CSF1R: variants seen among roughly 807,000 people sequenced by gnomAD.
CSF1R encodes colony stimulating factor 1 receptor.
A neutral mutation model predicts 110.0 loss-of-function variants in CSF1R; 40 were observed. The ratio of observed to expected loss-of-function variants is 0.36; its 90% confidence interval spans 0.28 to 0.47. CSF1R has a LOEUF of 0.47. Ranked by LOEUF, CSF1R falls within the 20% of genes least tolerant of loss-of-function variation. The probability of loss-of-function intolerance (pLI) is 0.99; values close to 1 mark genes in which losing one functional copy is unlikely to be tolerated. For synonymous variants in CSF1R, 523 were observed against 503.4 expected (o/e 1.04, Z -0.52); for missense variants, 1,052 against 1,253.0 (o/e 0.84, Z 2.42).
chr5:150,078,166 T>C lies in CSF1R; in HGVS notation c.675A>G (p.Ser225=). 1.9e-6 allele frequency: 3 copies of C among 1,614,108 alleles called. No individual in the cohort carries two copies. The highest frequency in any genetic ancestry group is 2.5e-6 in the Non-Finnish European group (3 of 1,180,012). The change falls in exon 4 of 21, where the codon TCA becomes TCG. Residue 225 remains serine (S), a synonymous_variant. Coordinates refer to ENST00000675795, the MANE Select transcript of CSF1R (RefSeq NM_001288705.3). ...CAAAGTTAACATCAACGCTGCTGGC[T>C]GAGCACACGATCTGGGCAGCCTCCC... ...IRGEAAQIVC[S]ASSVDVNFDV...
intron 1 of CSF1R, among the ~76,000 whole-genome samples, chr5:150,104,148 G>T (rs561521244): frequency 1.3e-5 from 2 of 152,304 alleles, no homozygotes; most frequent in African/African-American, 4.8e-5. Flanking sequence ...CCCCTAACAC[G>T]GATGCAAAGT....
Position 150,059,877 on chromosome 5 carries a change from G to C in CSF1R, c.1970-15C>G, listed in dbSNP as rs774384099. 2 of 1,597,924 alleles carry C rather than the reference G, an allele frequency of 1.3e-6. No homozygotes were observed. The highest frequency in any genetic ancestry group is 1.1e-5 in the South Asian group (1 of 90,646). ...CAGTACAGGGCCTAGAGCAGCCAAG[G>C]GTGTGGGGTGAGGGAGGTGCTGAGT... On this transcript the variant is annotated splice_polypyrimidine_tract_variant and intron_variant, in intron 13 of 20. Coordinates refer to ENST00000675795, the MANE Select transcript of CSF1R (RefSeq NM_001288705.3).
chr5:150,092,253 G>T (rs1216556419), intron 1 of CSF1R, among the ~76,000 whole-genome samples: 1 of 152,194 alleles, frequency 6.6e-6, no homozygotes, highest in Admixed American at 6.5e-5. Flanking sequence ...GCCAATCTCT[G>T]ATTTAAAGCA....
In CSF1R at chr5:150,101,522, A is replaced by C. The variant is rs1402312915; in HGVS notation, c.-181+11739T>G. Among the ~76,000 whole-genome samples the C allele has an allele frequency of 2.6e-5, 4 of 152,286 alleles. No homozygotes were observed. In the South Asian group the frequency reaches 8.3e-4, roughly 32 times the overall value. ...TTGCCAGGCAGAGGCAGGGAAGAGA[A>C]AGAAGGGCATCTGAAAAGAAATGAA... On this transcript the variant is annotated intron_variant, in intron 1 of 21. Transcript: ENST00000286301.
intron 14 of CSF1R, among the ~76,000 whole-genome samples, chr5:150,059,467 ACACTCCCAG>A (rs2113786735): frequency 6.6e-6 from 1 of 152,314 alleles, no homozygotes; most frequent in East Asian, 1.9e-4. Context: ...TTTGCCCTCC[ACACTCCCAG>A]AACACGGTAG....
At chr5:150,073,088 G>A (rs559375777) in intron 6 of CSF1R, among the ~76,000 whole-genome samples, 1 of 152,286 alleles carries the variant, frequency 6.6e-6, no homozygotes, top group African/African-American at 2.4e-5. Context: ...CAAGGATGTG[G>A]GATGGAGAGG....
Position 150,060,837 on chromosome 5 carries a change from G to A in CSF1R, c.1969+25C>T, listed in dbSNP as rs754642576. The stretch of plus-strand genomic sequence containing the variant: ...ATTCCCCAGAGGCCCCAAGACCTTG[G>A]CCCCAGGAACCCCAAGGCCCTTACC... On this transcript the variant is annotated intron_variant, in intron 13 of 20. Transcript: ENST00000675795. The A allele has an allele frequency of 1.4e-5, 21 of 1,532,290 alleles. 1 individual carries two copies. The South Asian group carries it at 1.4e-4, about 10-fold the overall frequency. 94.9% of individuals were successfully genotyped at this position (1,532,290 alleles called of 1,614,324 possible).
At chr5:150,102,939 T>C (rs1463257811) in intron 1 of CSF1R, among the ~76,000 whole-genome samples, 1 of 152,276 alleles carries the variant, frequency 6.6e-6, no homozygotes, top group Non-Finnish European at 1.5e-5. Flanking sequence ...TGTCTTTTCA[T>C]TTCTGACTTC....
chr5:150,108,488 C>T (rs1284324481), intron 1 of CSF1R, among the ~76,000 whole-genome samples: 7 of 152,028 alleles, frequency 4.6e-5, no homozygotes, highest in East Asian at 1.9e-4. Flanking sequence ...GAAGGAGTCT[C>T]GACTTTGCTG....
chr5:150,111,972 A>G (rs1322387116), intron 1 of CSF1R, among the ~76,000 whole-genome samples: 3 of 152,214 alleles, frequency 2.0e-5, no homozygotes, highest in Non-Finnish European at 2.9e-5. Flanking sequence ...GGACTAAATG[A>G]CACGCTGGTG....
At chr5:150,088,965 A>T (rs4289551), upstream of CSF1R, among the ~76,000 whole-genome samples, 30,585 of 152,240 alleles carry the variant, frequency 0.2, 3,614 homozygotes, top group Middle Eastern at 0.27. Context: ...GAATGAAAAA[A>T]ATCCTCATAT....
intron 1 of CSF1R, among the ~76,000 whole-genome samples, chr5:150,092,145 C>A (rs907955276): frequency 4.6e-5 from 7 of 152,206 alleles, no homozygotes; most frequent in African/African-American, 1.7e-4. Context: ...CAAAAGCAGC[C>A]ATAGCCAATA....
intron 19 of CSF1R, chr5:150,054,757 C>T (rs1409585654): frequency 3.4e-6 from 1 of 291,084 alleles, no homozygotes; most frequent in East Asian, 7.1e-5. Context: ...GAGGTTGATG[C>T]AGGAGGATTG....
chr5:150,071,318 C>T (rs1758021984), intron 6 of CSF1R, among the ~76,000 whole-genome samples: 1 of 152,074 alleles, frequency 6.6e-6, no homozygotes, highest in Non-Finnish European at 1.5e-5. Context: ...TACAATTTGT[C>T]CATAATGAAC....
At chr5:150,058,129 C>T (rs550472924) in intron 14 of CSF1R, 1 of 444,116 alleles carries the variant, frequency 2.3e-6, no homozygotes, top group African/African-American at 2.0e-5. Context: ...AGCTGAGGCC[C>T]ACTGGTCTAG....
At chr5:150,113,049 G>C (rs1317304668) in intron 1 of CSF1R, among the ~76,000 whole-genome samples, 1 of 152,156 alleles carries the variant, frequency 6.6e-6, no homozygotes, top group African/African-American at 2.4e-5. Flanking sequence ...CTAGCACTCT[G>C]TCCCCTGCCC....
At chr5:150,097,026 C>T (rs1759246165) in intron 1 of CSF1R, among the ~76,000 whole-genome samples, 1 of 152,082 alleles carries the variant, frequency 6.6e-6, no homozygotes, top group Admixed American at 6.6e-5. Flanking sequence ...CTTTGGGGGG[C>T]CAACGTAGGA....
chr5:150,102,132 T>C (rs773880516), intron 1 of CSF1R, among the ~76,000 whole-genome samples: 1 of 152,126 alleles, frequency 6.6e-6, no homozygotes, highest in Non-Finnish European at 1.5e-5. Context: ...TACACTCTCA[T>C]TGGAGCAGGA....
At position 150,093,511 on chromosome 5, in the gene CSF1R, G is replaced by A. The variant is rs538152376; in HGVS notation, c.-180-6904C>T. Among the ~76,000 whole-genome samples the A allele has an allele frequency of 9.2e-5, 14 of 152,180 alleles. No homozygotes were observed. In the South Asian group the frequency reaches 2.9e-3, roughly 32 times the overall value. On this transcript the variant is annotated intron_variant, in intron 1 of 21. Coordinates refer to the CSF1R transcript ENST00000286301. ...TAATAACTTAAAAATTTTTGAAGAGGTATAAATTATAAGCCAATAGTGGAA... is the reference window on the plus strand; with the variant it reads ...TAATAACTTAAAAATTTTTGAAGAGATATAAATTATAAGCCAATAGTGGAA...
Sources: gnomAD v4.1 joint callset for allele counts (sites outside exome capture counted in the v4.1 genomes callset) on GRCh38, gnomAD v4.1.1 for gene constraint, MANE v1.5 for transcripts, NCBI Gene and HGNC (gene_info 2026-07-23, HGNC 2026-07-21) for gene names.